FNIP2: variants seen among roughly 807,000 people sequenced by gnomAD.
The protein encoded by FNIP2 is folliculin-interacting protein 2.
FNIP2 carries 32 observed loss-of-function variants against 108.7 expected under a neutral mutation model. The ratio of observed to expected loss-of-function variants is 0.29; its 90% CI spans 0.22 to 0.40. FNIP2 has a LOEUF of 0.40. FNIP2 is among the 10% of genes least tolerant of loss of function. The pLI is 1.00. For missense variants in FNIP2, 1,202 were observed against 1,381.6 expected (o/e 0.87, Z 2.06); for synonymous variants, 480 against 496.7 (o/e 0.97, Z 0.45).
At chr4:158,815,785 C>A (rs1287663334) in intron 1 of FNIP2, among the ~76,000 whole-genome samples, 1 of 152,060 alleles carries the variant, frequency 6.6e-6, no homozygotes, top group African/African-American at 2.4e-5. Flanking sequence ...TTTCCTTTTT[C>A]TAGACTTATG....
At chr4:158,869,659 T>G (rs1047340064) in intron 13 of FNIP2, among the ~76,000 whole-genome samples, 2 of 152,160 alleles carry the variant, frequency 1.3e-5, no homozygotes, top group African/African-American at 4.8e-5. Flanking sequence ...AGGTGGCCAG[T>G]GGTTGTCTTT....
At chr4:158,829,823 GA>G (rs1353859580) in intron 3 of FNIP2, among the ~76,000 whole-genome samples, 1 of 152,124 alleles carries the variant, frequency 6.6e-6, no homozygotes, top group Non-Finnish European at 1.5e-5. Context: ...AATGGCAAAA[GA>G]ATATTAATTG....
chr4:158,782,672 A>T (rs1418626004), intron 1 of FNIP2, among the ~76,000 whole-genome samples: 1 of 152,172 alleles, frequency 6.6e-6, no homozygotes, highest in African/African-American at 2.4e-5. Context: ...GAAGGCTCTT[A>T]CTAATTCAGT....
intron 10 of FNIP2, among the ~76,000 whole-genome samples, chr4:158,860,654 C>CT (rs34208761): frequency 0.29 from 34,834 of 121,082 alleles, 6,007 homozygotes; most frequent in Non-Finnish European, 0.37. Context: ...CTGGGTCCCA[C>CT]TTTTTTTTTT....
At chr4:158,869,618 A>C (rs1332876924) in intron 13 of FNIP2, among the ~76,000 whole-genome samples, 190 bp downstream of exon 13, 1 of 152,208 alleles carries the variant, frequency 6.6e-6, no homozygotes, top group East Asian at 1.9e-4. Context: ...AAGGATGGTC[A>C]CTGGCTTAGC....
At chr4:158,903,000 G>A (rs973698049) in intron 16 of FNIP2, among the ~76,000 whole-genome samples, 1 of 152,176 alleles carries the variant, frequency 6.6e-6, no homozygotes, top group Non-Finnish European at 1.5e-5. Context: ...GAACCGTTCT[G>A]TCTCGCTAGC....
At chr4:158,839,697 C>T (rs1057363722) in intron 7 of FNIP2, among the ~76,000 whole-genome samples, 13 of 152,154 alleles carry the variant, frequency 8.5e-5, no homozygotes, top group Non-Finnish European at 7.3e-5. Context: ...CAAATTGTTT[C>T]GGTTTTGACC....
At chr4:158,806,464 T>C (rs1362709694) in intron 1 of FNIP2, 2 of 1,242,998 alleles carry the variant, frequency 1.6e-6, no homozygotes, top group Admixed American at 2.3e-5. Context: ...GATAATTTTT[T>C]ATTTAATTTA....
At chr4:158,830,201 A>G (rs970614323) in intron 3 of FNIP2, among the ~76,000 whole-genome samples, 2 of 151,628 alleles carry the variant, frequency 1.3e-5, no homozygotes, top group African/African-American at 4.8e-5. Flanking sequence ...TTTGAGCTAT[A>G]ACGAGAGAGA....
chr4:158,773,171 A>T (rs1256093387), intron 1 of FNIP2, among the ~76,000 whole-genome samples: 1 of 152,178 alleles, frequency 6.6e-6, no homozygotes, highest in African/African-American at 2.4e-5. Context: ...ATGACATATA[A>T]ATAGCAGTTT....
chr4:158,853,057 T>C (rs1779787053), intron 8 of FNIP2, among the ~76,000 whole-genome samples: 1 of 152,140 alleles, frequency 6.6e-6, no homozygotes, highest in African/African-American at 2.4e-5. Flanking sequence ...ATGTAAGATA[T>C]AATAGAGATG....
At chr4:158,834,046 G>A (rs183227072) in intron 6 of FNIP2, 4 of 341,394 alleles carry the variant, frequency 1.2e-5, no homozygotes, top group Middle Eastern at 2.1e-3. Flanking sequence ...ATGGTGTTTC[G>A]AAAATTCTGC....
chr4:158,816,853 T>C (rs1257512290), intron 1 of FNIP2, among the ~76,000 whole-genome samples: 2 of 150,984 alleles, frequency 1.3e-5, no homozygotes, highest in Non-Finnish European at 2.9e-5. Flanking sequence ...ACAGTAAAGC[T>C]CTTTTTTTTT....
intron 8 of FNIP2, among the ~76,000 whole-genome samples, chr4:158,855,546 C>T (rs1779937881): frequency 6.6e-6 from 1 of 152,222 alleles, no homozygotes; most frequent in Admixed American, 6.5e-5. Flanking sequence ...TTCCCGGGTT[C>T]AAGCGGTTCC....
chr4:158,895,567 C>T (rs552568616), intron 15 of FNIP2, among the ~76,000 whole-genome samples, 183 bp from the exon 16 acceptor site: 1 of 152,170 alleles, frequency 6.6e-6, no homozygotes, highest in Non-Finnish European at 1.5e-5. Context: ...CTTTGTTTTA[C>T]AAGAACCTAT....
chr4:158,889,168 G>A (rs1193842450), intron 14 of FNIP2, among the ~76,000 whole-genome samples: 2 of 152,112 alleles, frequency 1.3e-5, no homozygotes, highest in Admixed American at 1.3e-4. Flanking sequence ...CTCCAGCCTG[G>A]GCAAAAGCAA....
chr4:158,806,178 C>T, intron 1 of FNIP2: 1 of 1,257,116 alleles, frequency 8.0e-7, no homozygotes, highest in Non-Finnish European at 1.0e-6. Context: ...AACAAAGGAA[C>T]TTCAGGATTT....
intron 1 of FNIP2, among the ~76,000 whole-genome samples, chr4:158,789,954 G>C (rs1194261841): frequency 6.6e-6 from 1 of 152,116 alleles, no homozygotes; most frequent in Non-Finnish European, 1.5e-5. Context: ...GTACAAGAGT[G>C]ATACTAGGGA....
intron 1 of FNIP2, among the ~76,000 whole-genome samples, chr4:158,821,249 T>TA (rs1274547757): frequency 4.6e-5 from 7 of 152,256 alleles, no homozygotes; most frequent in Admixed American, 2.0e-4. Context: ...CCTGAAGGCA[T>TA]AAAGTGGACA....
Sources: gnomAD v4.1 joint callset for allele counts (sites outside exome capture counted in the v4.1 genomes callset) on GRCh38, gnomAD v4.1.1 for gene constraint, MANE v1.5 for transcripts, NCBI Gene and HGNC (gene_info 2026-07-23, HGNC 2026-07-21) for gene names.